The following ZDHHC14 variants were observed in gnomAD, a reference collection of about 807,000 sequenced individuals.
ZDHHC14 encodes the protein zDHHC palmitoyltransferase 14.
In ZDHHC14, 16 loss-of-function variants were observed where a neutral mutation model predicts 47.7. The observed-to-expected ratio is 0.34, with a 90% CI of 0.23 to 0.51. The LOEUF (loss-of-function observed/expected upper bound fraction) is 0.51. Ranked by LOEUF, ZDHHC14 falls within the 20% of genes least tolerant of loss-of-function variation. ZDHHC14 has a pLI of 0.97. For synonymous variants in ZDHHC14, 293 were observed against 278.9 expected, an observed-to-expected ratio of 1.05 and a Z score of -0.50; for missense variants, 515 against 662.5, an observed-to-expected ratio of 0.78 and a Z score of 2.44.
chr6:157,659,108 A>G (rs1387975520), intron 8 of ZDHHC14, among the ~76,000 whole-genome samples: 1 of 152,074 alleles, frequency 6.6e-6, no homozygotes, highest in Non-Finnish European at 1.5e-5. Context: ...TCATCTGTCA[A>G]TATTGTTTTA....
intron 1 of ZDHHC14, among the ~76,000 whole-genome samples, chr6:157,518,922 A>G (rs368151082): frequency 6.6e-6 from 1 of 152,228 alleles, no homozygotes; most frequent in Non-Finnish European, 1.5e-5. Flanking sequence ...GCTACAAGCC[A>G]TACGGCGGCC....
At chr6:157,560,333 C>T (rs1782656828) in intron 2 of ZDHHC14, among the ~76,000 whole-genome samples, 2 of 152,260 alleles carry the variant, frequency 1.3e-5, no homozygotes, top group South Asian at 4.1e-4. Flanking sequence ...CTGAAGACCA[C>T]TTATCCCAGA....
At chr6:157,394,817 G>T (rs1288687538) in intron 1 of ZDHHC14, among the ~76,000 whole-genome samples, 1 of 152,130 alleles carries the variant, frequency 6.6e-6, no homozygotes, top group African/African-American at 2.4e-5. Flanking sequence ...CGTCTCAAAT[G>T]AAGTGTTGGG....
intron 2 of ZDHHC14, among the ~76,000 whole-genome samples, chr6:157,568,836 G>A (rs1430083940): frequency 6.6e-6 from 1 of 152,210 alleles, no homozygotes; most frequent in South Asian, 2.1e-4. Flanking sequence ...GTTTGAAATT[G>A]GGGGTTGGGG....
intron 3 of ZDHHC14, among the ~76,000 whole-genome samples, chr6:157,606,084 C>T (rs1309395158): frequency 6.6e-6 from 1 of 152,168 alleles, no homozygotes; most frequent in Non-Finnish European, 1.5e-5. Context: ...AATTATACTA[C>T]CTGCACATTT....
chr6:157,447,081 G>T (rs1222852952), intron 1 of ZDHHC14, among the ~76,000 whole-genome samples: 1 of 151,708 alleles, frequency 6.6e-6, no homozygotes, highest in Non-Finnish European at 1.5e-5. Context: ...ATGCACCACT[G>T]TACTTCAGCC....
intron 1 of ZDHHC14, among the ~76,000 whole-genome samples, chr6:157,493,168 G>A (rs1448555996): frequency 1.3e-5 from 2 of 152,250 alleles, no homozygotes; most frequent in African/African-American, 2.4e-5. Flanking sequence ...GAAGTGGCAG[G>A]ACATGAGATG....
chr6:157,638,197 G>T lies in ZDHHC14; in HGVS notation c.752+5315G>T, dbSNP rs1041185322. Reference sequence around the variant, plus strand: ...GGCCCCTTCCCAGTCTGCACCATCAGCCCTCCCAGGGGTGAGGGATAGGGC... The same window carrying T: ...GGCCCCTTCCCAGTCTGCACCATCATCCCTCCCAGGGGTGAGGGATAGGGC... On this transcript the variant is annotated intron_variant, in intron 5 of 8. Coordinates refer to ENST00000359775, the MANE Select transcript of ZDHHC14 (RefSeq NM_024630.3). Among the ~76,000 whole-genome samples the T allele has an allele frequency of 5.3e-5, 8 of 152,334 alleles. No individual in the cohort carries two copies. The South Asian group carries it at 1.0e-3, about 20-fold the overall frequency.
intron 1 of ZDHHC14, among the ~76,000 whole-genome samples, chr6:157,525,542 G>C (rs1418892248): frequency 6.6e-6 from 1 of 152,016 alleles, no homozygotes; most frequent in East Asian, 1.9e-4. Flanking sequence ...CAGGGAGCAA[G>C]ACAGAAGTTG....
chr6:157,566,582 G>A (rs998799526), intron 2 of ZDHHC14, among the ~76,000 whole-genome samples: 6 of 152,194 alleles, frequency 3.9e-5, no homozygotes, highest in Non-Finnish European at 1.5e-5. Flanking sequence ...TTCAGGGTAG[G>A]TCCGAATGAC....
intron 2 of ZDHHC14, 76 bp downstream of exon 2, chr6:157,542,821 G>A: frequency 6.6e-7 from 1 of 1,525,274 alleles, no homozygotes; most frequent in Non-Finnish European, 8.9e-7. Flanking sequence ...GGCAGGCCGA[G>A]GGCTGTGCAG....
chr6:157,582,813 T>C lies in ZDHHC14; in HGVS notation c.407-10175T>C, dbSNP rs774252498. On this transcript the variant is annotated intron_variant, in intron 2 of 8. Coordinates refer to ENST00000359775, the MANE Select transcript of ZDHHC14 (RefSeq NM_024630.3). This position sits in a 1 kb window ranked among gnomAD's most constrained non-coding sequence, Gnocchi z 4.3. ...GAGGAAGTTTTCATGTGTAATATCC[T>C]GAAATAGTTTTCCAAGTTGCTTACT... Among the ~76,000 whole-genome samples, 1 of 152,244 alleles carries C rather than the reference T, an allele frequency of 6.6e-6. No homozygotes were observed. The highest frequency in any genetic ancestry group is 1.5e-5 in the Non-Finnish European group (1 of 68,050).
intron 2 of ZDHHC14, among the ~76,000 whole-genome samples, chr6:157,567,492 A>G (rs1782946668): frequency 6.6e-6 from 1 of 152,176 alleles, no homozygotes; most frequent in Non-Finnish European, 1.5e-5. Context: ...GTCCATGACA[A>G]CTGAAAAACA....
chr6:157,486,237 A>G (rs768367217), intron 1 of ZDHHC14, among the ~76,000 whole-genome samples: 1 of 152,088 alleles, frequency 6.6e-6, no homozygotes, highest in Non-Finnish European at 1.5e-5. Flanking sequence ...GCCTGCTGGT[A>G]TATCCAATCG....
intron 1 of ZDHHC14, among the ~76,000 whole-genome samples, chr6:157,465,547 C>T (rs1779191115): frequency 6.6e-6 from 1 of 151,820 alleles, no homozygotes; most frequent in African/African-American, 2.4e-5. Context: ...CCTAGGGAGT[C>T]TGGATTGAAC....
intron 1 of ZDHHC14, among the ~76,000 whole-genome samples, chr6:157,418,287 T>C (rs1195831152): frequency 6.6e-6 from 1 of 150,700 alleles, no homozygotes; most frequent in Non-Finnish European, 1.5e-5. Context: ...GTCATGCAAA[T>C]GGAATTGCTG....
At chr6:157,385,247 C>T (rs1777288517) in intron 1 of ZDHHC14, among the ~76,000 whole-genome samples, 1 of 152,018 alleles carries the variant, frequency 6.6e-6, no homozygotes, top group African/African-American at 2.4e-5. Flanking sequence ...CACCACCACA[C>T]CCAGCCAAGT....
chr6:157,451,852 G>C (rs570261503), intron 1 of ZDHHC14, among the ~76,000 whole-genome samples: 14 of 152,274 alleles, frequency 9.2e-5, no homozygotes, highest in African/African-American at 2.9e-4. Flanking sequence ...GAGCCACTGC[G>C]CTCAGCATCT....
chr6:157,554,906 C>T (rs1330187858), intron 2 of ZDHHC14, among the ~76,000 whole-genome samples: 1 of 152,216 alleles, frequency 6.6e-6, no homozygotes, highest in African/African-American at 2.4e-5. Flanking sequence ...GCTGAGTCCC[C>T]TGTGCTCTAT....
Sources: allele counts gnomAD v4.1 joint callset (sites outside exome capture counted in the v4.1 genomes callset), GRCh38; gene constraint gnomAD v4.1.1; non-coding constraint Gnocchi (gnomAD v3.1); transcripts MANE v1.5; gene names NCBI Gene and HGNC (gene_info 2026-07-23, HGNC 2026-07-21).